The following TSPAN7 variants were observed in gnomAD, a reference collection of about 807,000 sequenced individuals.
TSPAN7 encodes tetraspanin-7.
In TSPAN7, 1 loss-of-function variant was observed where a neutral mutation model predicts 17.6. That is an observed-to-expected ratio of 0.06 (90% CI 0.02 to 0.27). TSPAN7 has a LOEUF of 0.27. Ranked by LOEUF, TSPAN7 falls within the 10% of genes least tolerant of loss-of-function variation. The probability of loss-of-function intolerance (pLI) is 1.00; values close to 1 mark genes in which losing one functional copy is unlikely to be tolerated. For missense variants in TSPAN7, 112 were observed against 201.7 expected, an observed-to-expected ratio of 0.56 and a Z score of 2.69; for synonymous variants, 78 against 79.0, an observed-to-expected ratio of 0.99 and a Z score of 0.07.
chrX:38,639,275 T>C (rs2069599843), intron 1 of TSPAN7, among the ~76,000 whole-genome samples: 1 of 109,099 alleles, frequency 9.2e-6, no homozygotes, highest in Non-Finnish European at 1.9e-5. Flanking sequence ...TCATCCCCCT[T>C]TTACAGAGAA....
intron 1 of TSPAN7, among the ~76,000 whole-genome samples, chrX:38,647,516 G>A (rs1238020348): frequency 8.9e-6 from 1 of 112,269 alleles, no homozygotes; most frequent in Admixed American, 9.4e-5. Flanking sequence ...TTTATTGAGT[G>A]TGTACTAAAT....
intron 5 of TSPAN7, among the ~76,000 whole-genome samples, chrX:38,680,091 A>G (rs1382351203): frequency 9.0e-6 from 1 of 111,716 alleles, no homozygotes; most frequent in African/African-American, 3.3e-5. Flanking sequence ...GTTTACCTAT[A>G]TAACAAACTT....
At chrX:38,566,794 A>G (rs1364954902) in intron 1 of TSPAN7, among the ~76,000 whole-genome samples, 2 of 112,148 alleles carry the variant, frequency 1.8e-5, no homozygotes, top group African/African-American at 6.5e-5. Flanking sequence ...CTGTTTCAAG[A>G]TCAAGCAAAG....
intron 1 of TSPAN7, among the ~76,000 whole-genome samples, chrX:38,598,467 C>T (rs182765305): frequency 3.6e-5 from 4 of 111,158 alleles, no homozygotes; most frequent in African/African-American, 1.3e-4. Flanking sequence ...TCTTCTTCTA[C>T]CAGGAAGTTG....
chrX:38,670,399 C>T (rs2069813001), intron 2 of TSPAN7, among the ~76,000 whole-genome samples: 1 of 112,213 alleles, frequency 8.9e-6, no homozygotes, highest in Non-Finnish European at 1.9e-5. Flanking sequence ...GGCGTGCTTG[C>T]ATGTGCATGC....
At chrX:38,673,513 G>A (rs1044901986) in intron 3 of TSPAN7, among the ~76,000 whole-genome samples, 8 of 108,809 alleles carry the variant, frequency 7.4e-5, no homozygotes, top group African/African-American at 1.7e-4. Flanking sequence ...GATTACTGGC[G>A]CCTGCCACCA....
chrX:38,651,220 C>T (rs1287804890), intron 1 of TSPAN7, among the ~76,000 whole-genome samples: 1 of 111,067 alleles, frequency 9.0e-6, no homozygotes, highest in Non-Finnish European at 1.9e-5. Flanking sequence ...AATCCCAGCA[C>T]TTTGGGAGGC....
intron 1 of TSPAN7, among the ~76,000 whole-genome samples, chrX:38,599,930 A>G (rs937524880): frequency 4.2e-4 from 47 of 111,605 alleles, no homozygotes; most frequent in African/African-American, 1.4e-3. Flanking sequence ...GAATCCTTGA[A>G]ATCTCTTTCT....
intron 2 of TSPAN7, among the ~76,000 whole-genome samples, chrX:38,667,248 G>T (rs1221296232): frequency 1.8e-5 from 2 of 111,988 alleles, no homozygotes; most frequent in African/African-American, 3.3e-5. Flanking sequence ...GCAGACTATT[G>T]AAAGGCTATT....
intron 1 of TSPAN7, among the ~76,000 whole-genome samples, chrX:38,594,273 T>C (rs961836825): frequency 8.9e-6 from 1 of 111,778 alleles, no homozygotes; most frequent in Non-Finnish European, 1.9e-5. Context: ...TTAATAAGGT[T>C]AGTTCTTTTC....
chrX:38,588,938 A>G (rs891698230), intron 1 of TSPAN7, among the ~76,000 whole-genome samples: 45 of 111,842 alleles, frequency 4.0e-4, no homozygotes, highest in African/African-American at 1.4e-3. Context: ...AACCTCAGGC[A>G]TTTAAATTCC....
intron 1 of TSPAN7, among the ~76,000 whole-genome samples, chrX:38,650,947 C>A (rs2069672275): frequency 9.1e-6 from 1 of 110,211 alleles, no homozygotes; most frequent in African/African-American, 3.3e-5. Flanking sequence ...TCTTAGCAAC[C>A]TCAGAAACCA....
intron 1 of TSPAN7, among the ~76,000 whole-genome samples, chrX:38,601,276 T>C (rs2069345326): frequency 9.0e-6 from 1 of 111,422 alleles, no homozygotes; most frequent in Non-Finnish European, 1.9e-5. Context: ...ATTTTGAGAC[T>C]TAGATAATCA....
intron 1 of TSPAN7, among the ~76,000 whole-genome samples, chrX:38,630,450 A>G (rs1400866611): frequency 9.0e-6 from 1 of 111,615 alleles, no homozygotes; most frequent in African/African-American, 3.3e-5. Flanking sequence ...ATTTACCTCC[A>G]TCTAACCTCA....
chrX:38,610,643 C>A (rs2069413026), intron 1 of TSPAN7, among the ~76,000 whole-genome samples: 1 of 111,236 alleles, frequency 9.0e-6, no homozygotes, highest in African/African-American at 3.3e-5. Flanking sequence ...AAGCTCTAAT[C>A]TGGGAGAAGA....
intron 1 of TSPAN7, chrX:38,646,446 A>G (rs1007287701): frequency 7.3e-5 from 41 of 559,260 alleles, no homozygotes; most frequent in Middle Eastern, 7.0e-4. Context: ...AGGAGCAGTG[A>G]ATGCACGTAA....
intron 1 of TSPAN7, among the ~76,000 whole-genome samples, chrX:38,603,868 T>G (rs1442695227): frequency 9.2e-6 from 1 of 108,974 alleles, no homozygotes; most frequent in Admixed American, 9.8e-5. Context: ...TATTTATTTA[T>G]TTTTTATTTT....
At chrX:38,676,380 G>T (rs1266115732) in intron 5 of TSPAN7, among the ~76,000 whole-genome samples, 1 of 111,008 alleles carries the variant, frequency 9.0e-6, no homozygotes, top group Non-Finnish European at 1.9e-5. Context: ...GACTCCCAAA[G>T]AAATTAGAGA....
intron 1 of TSPAN7, among the ~76,000 whole-genome samples, chrX:38,603,752 C>G (rs1030171837): frequency 3.6e-5 from 4 of 110,510 alleles, no homozygotes; most frequent in African/African-American, 1.3e-4. Context: ...TTGGGAGCAA[C>G]AGTTAAGGTA....
Sources: allele counts gnomAD v4.1 joint callset (sites outside exome capture counted in the v4.1 genomes callset), GRCh38; gene constraint gnomAD v4.1.1; transcripts MANE v1.5; gene names NCBI Gene and HGNC (gene_info 2026-07-23, HGNC 2026-07-21).